The following ATG7 variants were observed in gnomAD, a reference collection of about 807,000 sequenced individuals.
The protein encoded by ATG7 is ubiquitin-like modifier-activating enzyme ATG7.
In ATG7, 70 loss-of-function variants were observed where a neutral mutation model predicts 82.4. The observed-to-expected ratio is 0.85, with a 90% confidence interval of 0.70 to 1.04. The LOEUF (loss-of-function observed/expected upper bound fraction) is 1.04, where lower values mean the gene tolerates loss of function less well. Ranked by LOEUF, ATG7 falls within the 50% of genes least tolerant of loss-of-function variation. The pLI, the probability that ATG7 is intolerant of heterozygous loss-of-function variation, is 0.00. For synonymous variants in ATG7, 287 were observed against 313.0 expected (o/e 0.92, Z 0.88); for missense variants, 792 against 864.3 (o/e 0.92, Z 1.05).
chr3:11,497,357 C>CTATATATATATGTATATGTA lies in ATG7; in HGVS notation c.2080-57443_2080-57442insGTATATGTATATATATATAT, dbSNP rs1281826628. On this transcript the variant is annotated intron_variant, in intron 20 of 20. Coordinates refer to ENST00000693202, the MANE Select transcript of ATG7 (RefSeq NM_001349232.2). ...TGAAACCCCGTCTGTACTAAAAATA[C>CTATATATATATGTATATGTA]TATATATATATATATATATATATAT... Among the ~76,000 whole-genome samples the CTATATATATATGTATATGTA allele has an allele frequency of 4.6e-3, 261 of 57,310 alleles. 7 individuals are homozygous for CTATATATATATGTATATGTA. The highest frequency in any genetic ancestry group is 0.017 in the African/African-American group (255 of 14,982). 37.6% of individuals were successfully genotyped at this position (57,310 alleles called of 152,430 possible). A position where few individuals can be genotyped will look rare whatever the true frequency, so the allele number is the denominator to read the frequency against.
Position 11,330,868 on chromosome 3 carries a change from G to A in ATG7, c.679-472G>A, listed in dbSNP as rs112652521. Among the ~76,000 whole-genome samples, 404 of 152,248 alleles carry A rather than the reference G, an allele frequency of 2.7e-3. 2 individuals carry two copies. The highest frequency in any genetic ancestry group is 9.2e-3 in the African/African-American group (384 of 41,544). On this transcript the variant is annotated intron_variant, in intron 9 of 20. Coordinates refer to ENST00000693202, the MANE Select transcript of ATG7 (RefSeq NM_001349232.2). ...GGGAAAGGGGAGGGAGGAAATATATGTTAGCAAAATCAAGAGTAACTGGCT... is the reference window on the plus strand; with the variant it reads ...GGGAAAGGGGAGGGAGGAAATATATATTAGCAAAATCAAGAGTAACTGGCT...
At chr3:11,347,312 C>T (rs112194529) in intron 13 of ATG7, among the ~76,000 whole-genome samples, 5 of 152,126 alleles carry the variant, frequency 3.3e-5, no homozygotes, top group East Asian at 1.9e-4. Context: ...TCTATAAAAC[C>T]GTGAAAACTA....
intron 9 of ATG7, among the ~76,000 whole-genome samples, chr3:11,325,502 T>G (rs1446461304): frequency 6.6e-6 from 1 of 152,082 alleles, no homozygotes; most frequent in Non-Finnish European, 1.5e-5. Flanking sequence ...TGAAATTCTG[T>G]CTCTACTAAA....
At chr3:11,335,118 G>A (rs1398176198) in intron 11 of ATG7, among the ~76,000 whole-genome samples, 1 of 151,980 alleles carries the variant, frequency 6.6e-6, no homozygotes, top group Non-Finnish European at 1.5e-5. Flanking sequence ...ACTTCTGCTT[G>A]ATCAAAGGAC....
chr3:11,539,477 A>G (rs2125016586), intron 20 of ATG7, among the ~76,000 whole-genome samples: 1 of 152,004 alleles, frequency 6.6e-6, no homozygotes, highest in East Asian at 1.9e-4. Context: ...GTTGGGCTGG[A>G]AGGATTCTGT....
chr3:11,289,866 T>TC (rs1944681232), intron 3 of ATG7, among the ~76,000 whole-genome samples: 1 of 152,220 alleles, frequency 6.6e-6, no homozygotes, highest in Admixed American at 6.5e-5. Flanking sequence ...GGCCTTTTTT[T>TC]TCTCTCTCTG....
At chr3:11,402,784 T>A (rs983617595) in intron 19 of ATG7, among the ~76,000 whole-genome samples, 13 of 152,314 alleles carry the variant, frequency 8.5e-5, no homozygotes, top group African/African-American at 2.6e-4. Flanking sequence ...ACACATTTTT[T>A]AACAATTTTT....
chr3:11,334,483 A>T (rs1952097209), intron 11 of ATG7, among the ~76,000 whole-genome samples: 1 of 151,330 alleles, frequency 6.6e-6, no homozygotes, highest in African/African-American at 2.4e-5. Flanking sequence ...ACCTCAAGTG[A>T]TCCACCCACC....
chr3:11,344,725 C>T (rs902713468), intron 13 of ATG7, among the ~76,000 whole-genome samples: 3 of 152,004 alleles, frequency 2.0e-5, no homozygotes, highest in Admixed American at 6.6e-5. Context: ...AAAAATTAGC[C>T]AGGCTGTAGT....
intron 20 of ATG7, among the ~76,000 whole-genome samples, chr3:11,427,597 C>T (rs1206827286): frequency 6.6e-6 from 1 of 150,614 alleles, no homozygotes; most frequent in East Asian, 2.0e-4. Context: ...GTGGGTGGGT[C>T]ACAAGGTCAG....
chr3:11,304,542 T>G (rs901612286), intron 5 of ATG7: 1 of 152,274 alleles, frequency 6.6e-6, no homozygotes, highest in African/African-American at 2.4e-5. Flanking sequence ...GCGAAGTAGA[T>G]TCCTCCAGGT....
chr3:11,473,610 G>T (rs1426350495), intron 20 of ATG7, among the ~76,000 whole-genome samples: 2 of 152,116 alleles, frequency 1.3e-5, no homozygotes, highest in Non-Finnish European at 2.9e-5. Flanking sequence ...TAAAGGCAAG[G>T]ATCAAGACTA....
At chr3:11,326,939 A>G (rs1316652716) in intron 9 of ATG7, among the ~76,000 whole-genome samples, 1 of 152,224 alleles carries the variant, frequency 6.6e-6, no homozygotes, top group Non-Finnish European at 1.5e-5. Flanking sequence ...AATGTTGAGA[A>G]AGGAAAGAAG....
chr3:11,356,158 C>T lies in ATG7; in HGVS notation c.1285-2260C>T, dbSNP rs1235610945. 4.6e-5 allele frequency among the ~76,000 whole-genome samples: 7 copies of T among 152,032 alleles called. No individual in the cohort carries two copies. In the South Asian group the frequency reaches 8.3e-4, roughly 18 times the overall value. ...TTGTCATCTGGGGGCAAGTGGGGAC[C>T]GACTGAGGGGGAGCACAAGACCATG... On this transcript the variant is annotated intron_variant, in intron 14 of 20. Transcript: ENST00000693202.
At chr3:11,459,090 G>A (rs939099580) in intron 20 of ATG7, among the ~76,000 whole-genome samples, 1 of 151,628 alleles carries the variant, frequency 6.6e-6, no homozygotes. Flanking sequence ...TGGGACTGCT[G>A]GCCTAGGCGA....
At chr3:11,559,320 C>T (rs1233576569), downstream of ATG7, 14 of 1,528,738 alleles carry the variant, frequency 9.2e-6, no homozygotes, top group Middle Eastern at 1.8e-4. Flanking sequence ...TGAGGAGGCC[C>T]GGGACACTCA....
intron 13 of ATG7, among the ~76,000 whole-genome samples, chr3:11,345,971 G>A (rs1954479252): frequency 6.6e-6 from 1 of 152,192 alleles, no homozygotes; most frequent in Non-Finnish European, 1.5e-5. Context: ...AGTGTTTAAT[G>A]TGTATTTTAA....
At chr3:11,366,739 A>T (rs1283596110) in intron 18 of ATG7, among the ~76,000 whole-genome samples, 2 of 152,068 alleles carry the variant, frequency 1.3e-5, no homozygotes. Context: ...GTCTCTTTAT[A>T]GAAGGGGCCC....
chr3:11,568,377 C>T, the ATG7 span, among the ~76,000 whole-genome samples: 4 of 152,166 alleles, frequency 2.6e-5, no homozygotes, highest in Non-Finnish European at 4.4e-5. The surrounding 1 kb of genome is among the most constrained non-coding windows in gnomAD (Gnocchi z 5.9). Context: ...GAGGTAAGGA[C>T]GGGGCAGCCC....
Sources: allele counts gnomAD v4.1 joint callset (sites outside exome capture counted in the v4.1 genomes callset), GRCh38; gene constraint gnomAD v4.1.1; non-coding constraint Gnocchi (gnomAD v3.1); transcripts MANE v1.5; gene names NCBI Gene and HGNC (gene_info 2026-07-23, HGNC 2026-07-21).